Variants in COL5A2 observed in about 807,000 individuals in gnomAD.
The protein encoded by COL5A2 is collagen type V alpha 2 chain, also known as collagen alpha-2(V) chain.
COL5A2 carries 23 observed loss-of-function variants against 208.2 expected under a neutral mutation model. That is an observed-to-expected ratio of 0.11 (90% CI 0.08 to 0.16). COL5A2 has a LOEUF of 0.16. Ranked by LOEUF, COL5A2 falls within the 10% of genes least tolerant of loss-of-function variation. The pLI is 1.00. For missense variants in COL5A2, 1,590 were observed against 1,956.4 expected (o/e 0.81, Z 3.53); for synonymous variants, 625 against 628.5 (o/e 0.99, Z 0.08).
chr2:189,104,260 T>C lies in COL5A2; in HGVS notation c.336+4A>G. On this transcript the variant is annotated splice_donor_region_variant and intron_variant, in intron 3 of 53. Transcript: ENST00000374866. ...AAAAAGAAAATATGCAAAGTAACAC[T>C]TACCTTTCTTCCTCTACCTGTAAAA... The C allele has an allele frequency of 6.6e-7, 1 of 1,505,476 alleles. No individual in the cohort carries two copies. Among genetic ancestry groups the C allele is most frequent in the Non-Finnish European group, 9.2e-7 (1 of 1,083,494 alleles). 93.3% of individuals were successfully genotyped at this position (1,505,476 alleles called of 1,614,324 possible). A position where few individuals can be genotyped will look rare whatever the true frequency, so the allele number is the denominator to read the frequency against.
At chr2:189,345,251 T>C in the COL5A2 span, among the ~76,000 whole-genome samples, 6 of 152,316 alleles carry the variant, frequency 3.9e-5, no homozygotes, top group East Asian at 1.2e-3. Flanking sequence ...ATCAGTTCTA[T>C]GGAACAATTG....
chr2:189,296,635 T>C, the COL5A2 span, among the ~76,000 whole-genome samples: 1 of 152,218 alleles, frequency 6.6e-6, no homozygotes, highest in Non-Finnish European at 1.5e-5. Flanking sequence ...TTAGTCCAAA[T>C]GTAAATCCCT....
At chr2:189,224,293 C>T (rs1689384673) in intron 1 of COL5A2, among the ~76,000 whole-genome samples, 1 of 152,064 alleles carries the variant, frequency 6.6e-6, no homozygotes, top group African/African-American at 2.4e-5. Flanking sequence ...CCCTGTCTTA[C>T]CCCAGGTAAT....
At chr2:189,205,916 A>T (rs950006928) in intron 1 of COL5A2, among the ~76,000 whole-genome samples, 2 of 152,196 alleles carry the variant, frequency 1.3e-5, no homozygotes, top group Non-Finnish European at 2.9e-5. Flanking sequence ...TTATTACCCC[A>T]CCAAAATCCT....
At chr2:189,156,250 C>A (rs1688244536) in intron 1 of COL5A2, among the ~76,000 whole-genome samples, 1 of 152,114 alleles carries the variant, frequency 6.6e-6, no homozygotes, top group South Asian at 2.1e-4. Context: ...CAGTAGAATT[C>A]AAGTTCCATG....
chr2:189,385,062 A>G, the COL5A2 span, among the ~76,000 whole-genome samples: 1 of 152,120 alleles, frequency 6.6e-6, no homozygotes, highest in Admixed American at 6.6e-5. Context: ...TTCAGTGTCT[A>G]TTCATATATT....
intron 1 of COL5A2, among the ~76,000 whole-genome samples, chr2:189,156,335 A>G (rs1209729408): frequency 2.0e-5 from 3 of 152,162 alleles, no homozygotes; most frequent in African/African-American, 7.2e-5. Context: ...TTATTAAGTA[A>G]ATAAATTTCA....
chr2:189,263,751 TG>T, the COL5A2 span, among the ~76,000 whole-genome samples: 1 of 152,164 alleles, frequency 6.6e-6, no homozygotes, highest in Admixed American at 6.6e-5. Flanking sequence ...CATACCATTG[TG>T]TTACAGTTGC....
the COL5A2 span, among the ~76,000 whole-genome samples, chr2:189,334,364 A>G: frequency 6.6e-6 from 1 of 152,028 alleles, no homozygotes; most frequent in African/African-American, 2.4e-5. Flanking sequence ...GGGAGTTTCC[A>G]GAAATCAACA....
At chr2:189,373,396 A>G in the COL5A2 span, among the ~76,000 whole-genome samples, 4 of 152,314 alleles carry the variant, frequency 2.6e-5, no homozygotes, top group South Asian at 6.2e-4. Context: ...CAGTGTTTAA[A>G]TGTTCTGCTG....
chr2:189,097,568 A>G, intron 5 of COL5A2: 4 of 667,594 alleles, frequency 6.0e-6, no homozygotes, highest in Admixed American at 4.1e-5. Context: ...TTATGGCATC[A>G]TGGAGCATAG....
chr2:189,414,776 A>AAAAAAG, the COL5A2 span, among the ~76,000 whole-genome samples: 2 of 133,142 alleles, frequency 1.5e-5, no homozygotes, highest in Admixed American at 1.5e-4. Context: ...AAAAAAAAAA[A>AAAAAAG]GAATGTTTCC....
At chr2:189,122,780 C>A (rs1687532136) in intron 1 of COL5A2, among the ~76,000 whole-genome samples, 4 of 152,056 alleles carry the variant, frequency 2.6e-5, no homozygotes, top group Admixed American at 2.6e-4. Flanking sequence ...GTATAAGAAG[C>A]TTTCAGGAAT....
chr2:189,264,483 A>G, the COL5A2 span, among the ~76,000 whole-genome samples: 1 of 152,022 alleles, frequency 6.6e-6, no homozygotes, highest in African/African-American at 2.4e-5. Context: ...TATTTGTAGT[A>G]AACTCAAAAA....
chr2:189,082,732 T>A (rs1686562665), intron 12 of COL5A2, among the ~76,000 whole-genome samples: 1 of 152,210 alleles, frequency 6.6e-6, no homozygotes, highest in African/African-American at 2.4e-5. Flanking sequence ...GCTTGCACAG[T>A]GCATCTGTGG....
chr2:189,116,417 G>T (rs1213036696), intron 1 of COL5A2, among the ~76,000 whole-genome samples: 1 of 152,174 alleles, frequency 6.6e-6, no homozygotes, highest in Non-Finnish European at 1.5e-5. Flanking sequence ...TCCTTCTTTA[G>T]ACCATGCAGA....
rs1131427 is a variant in COL5A2 at position 189,063,030 on chromosome 2, C to A, written c.1903G>T (p.Ala635Ser). 1 of 1,614,084 alleles carries A rather than the reference C, an allele frequency of 6.2e-7. No homozygotes were observed. Among genetic ancestry groups the A allele is most frequent in the Non-Finnish European group, 8.5e-7 (1 of 1,180,038 alleles). The change falls in exon 28 of 54, where the codon GCT (alanine) becomes TCT (serine). Residue 635 changes from alanine to serine, a missense_variant. Physicochemically the swap from Ala to Ser is moderately conservative, Grantham distance 99. Coordinates refer to ENST00000374866, the MANE Select transcript of COL5A2 (RefSeq NM_000393.5). ...TTTACCCTCTGCCCAGGAACTCCAG[C>A]ATTTCCTGCTTCTCCAGGTTTCCCA... Reference protein sequence around the residue: ...DPGKPGEAGNAGVPGQRGAPG... With the variant: ...DPGKPGEAGNSGVPGQRGAPG...
the COL5A2 span, among the ~76,000 whole-genome samples, chr2:189,323,247 T>C: frequency 1.3e-5 from 2 of 152,152 alleles, no homozygotes; most frequent in East Asian, 3.8e-4. Flanking sequence ...AGCATTCCCT[T>C]TGAAAACTGG....
chr2:189,266,297 G>A, the COL5A2 span, among the ~76,000 whole-genome samples: 1,083 of 151,986 alleles, frequency 7.1e-3, 16 homozygotes, highest in African/African-American at 0.024. Flanking sequence ...ATGGTGGCAC[G>A]CACCTGTAAT....
Sources: gnomAD v4.1 joint callset for allele counts (sites outside exome capture counted in the v4.1 genomes callset) on GRCh38, gnomAD v4.1.1 for gene constraint, MANE v1.5 for transcripts, NCBI Gene and HGNC (gene_info 2026-07-23, HGNC 2026-07-21) for gene names.